Variants in ERC2 observed in about 807,000 individuals in gnomAD.
ERC2 encodes the protein ERC protein 2.
A neutral mutation model predicts 114.8 loss-of-function variants in ERC2; 42 were observed. That is an observed-to-expected ratio of 0.37 (90% confidence interval 0.29 to 0.47). The LOEUF is 0.47. Among genes scored for constraint, ERC2 ranks in the 20% least tolerant of loss-of-function variants. ERC2 has a pLI of 0.99. For missense variants in ERC2, 939 were observed against 1,150.7 expected (o/e 0.82, Z 2.66); for synonymous variants, 454 against 425.5 (o/e 1.07, Z -0.82).
intron 3 of ERC2, among the ~76,000 whole-genome samples, chr3:56,250,564 A>G (rs1343959865): frequency 6.6e-6 from 1 of 152,214 alleles, no homozygotes; most frequent in African/African-American, 2.4e-5. Context: ...CAGAAGAGCA[A>G]GCTGAGGCGC....
intron 17 of ERC2, among the ~76,000 whole-genome samples, chr3:55,648,037 A>C (rs2060467912): frequency 1.3e-5 from 2 of 152,198 alleles, no homozygotes; most frequent in Admixed American, 1.3e-4. Flanking sequence ...GGAATACAGC[A>C]AGACGATGGG....
intron 17 of ERC2, among the ~76,000 whole-genome samples, chr3:55,560,896 C>T (rs940627187): frequency 2.0e-5 from 3 of 152,176 alleles, no homozygotes; most frequent in African/African-American, 7.2e-5. Context: ...TATTAGGTCA[C>T]TGTCTTGGCA....
At chr3:56,029,502 T>C (rs1396829101) in intron 7 of ERC2, among the ~76,000 whole-genome samples, 1 of 152,120 alleles carries the variant, frequency 6.6e-6, no homozygotes, top group African/African-American at 2.4e-5. Flanking sequence ...CTTCAATGTA[T>C]TTCATGGTTT....
chr3:56,375,113 C>A (rs73073991), intron 2 of ERC2, among the ~76,000 whole-genome samples: 225 of 152,206 alleles, frequency 1.5e-3, no homozygotes, highest in African/African-American at 5.2e-3. Flanking sequence ...ATTTGTCCAC[C>A]ACAAGGGAGA....
At chr3:55,673,147 A>G (rs2061633491) in intron 17 of ERC2, among the ~76,000 whole-genome samples, 2 of 152,164 alleles carry the variant, frequency 1.3e-5, no homozygotes, top group African/African-American at 4.8e-5. Context: ...GGGAAGGACA[A>G]TTCTTTGCAG....
At chr3:55,875,413 G>A (rs186911352) in intron 14 of ERC2, among the ~76,000 whole-genome samples, 155 of 152,308 alleles carry the variant, frequency 1.0e-3, no homozygotes, top group Middle Eastern at 3.4e-3. Flanking sequence ...GACTCTCAGA[G>A]TTGGCCTCAG....
At position 56,316,352 on chromosome 3, in the gene ERC2, G is replaced by A. The variant is rs1204539811; in HGVS notation, c.658-19917C>T. On this transcript the variant is annotated intron_variant, in intron 2 of 17. Coordinates refer to ENST00000288221, the MANE Select transcript of ERC2 (RefSeq NM_015576.3). ...TGAGTTTACAGTTTATAGTATCTGC[G>A]AAGCAACTCTTCACTCATTCCTTTA... Among the ~76,000 whole-genome samples, 4 of 152,306 alleles carry A rather than the reference G, an allele frequency of 2.6e-5. 1 individual carries two copies. The highest frequency in any genetic ancestry group is 4.1e-4 in the South Asian group (2 of 4,826).
At chr3:56,052,177 T>G (rs1283096054) in intron 7 of ERC2, among the ~76,000 whole-genome samples, 3 of 152,192 alleles carry the variant, frequency 2.0e-5, no homozygotes, top group African/African-American at 7.2e-5. Flanking sequence ...AAGGATGCCC[T>G]ATGGGTAGCT....
intron 3 of ERC2, among the ~76,000 whole-genome samples, chr3:56,242,018 G>A (rs12629146): frequency 0.29 from 43,411 of 151,986 alleles, 7,457 homozygotes; most frequent in East Asian, 0.64. Context: ...TCATCTGGCC[G>A]TTTAAGAAAA....
chr3:56,399,443 A>G (rs1313378244), intron 2 of ERC2, among the ~76,000 whole-genome samples: 1 of 152,194 alleles, frequency 6.6e-6, no homozygotes, highest in Admixed American at 6.5e-5. Flanking sequence ...CAATGTCGGC[A>G]TGGGGAACCA....
rs983415636 is a variant in ERC2 at position 55,964,194 on chromosome 3, T to A, written c.2268-13634A>T. 3.9e-5 allele frequency among the ~76,000 whole-genome samples: 6 copies of A among 152,158 alleles called. 1 individual carries two copies. In the South Asian group the frequency reaches 1.2e-3, roughly 32 times the overall value. On this transcript the variant is annotated intron_variant, in intron 12 of 17. Transcript: ENST00000288221. ...ATAATCTCAGTTAAATGAAACAACA[T>A]CCTTACATGGAGGGCACTTCATCCC...
intron 14 of ERC2, among the ~76,000 whole-genome samples, chr3:55,771,553 A>T (rs1159143900): frequency 1.3e-5 from 2 of 152,188 alleles, no homozygotes; most frequent in African/African-American, 4.8e-5. Context: ...CTCTCTTGTG[A>T]CTTGTTCGTG....
intron 13 of ERC2, among the ~76,000 whole-genome samples, chr3:55,924,226 G>C (rs2065616457): frequency 1.3e-5 from 2 of 152,130 alleles, no homozygotes; most frequent in Non-Finnish European, 2.9e-5. Flanking sequence ...GTCTTCTAGA[G>C]CAGGGGTTGG....
chr3:55,950,316 A>G, intron 13 of ERC2, 109 bp downstream of exon 13: 1 of 1,402,118 alleles, frequency 7.1e-7, no homozygotes, highest in Non-Finnish European at 9.7e-7. Context: ...GACTCAGGGC[A>G]AAGGCAAAGT....
At chr3:55,684,234 GAAGT>G (rs1559496652) in intron 16 of ERC2, among the ~76,000 whole-genome samples, 2 of 152,106 alleles carry the variant, frequency 1.3e-5, no homozygotes, top group African/African-American at 4.8e-5. Flanking sequence ...AGTAAGCAGA[GAAGT>G]AATTATAGTA....
At chr3:56,360,737 A>T (rs2058926275) in intron 2 of ERC2, among the ~76,000 whole-genome samples, 1 of 152,028 alleles carries the variant, frequency 6.6e-6, no homozygotes, top group Non-Finnish European at 1.5e-5. Context: ...GTGAAACCCC[A>T]TATGTACTAA....
At chr3:56,048,013 T>C (rs2075563510) in intron 7 of ERC2, among the ~76,000 whole-genome samples, 3 of 152,192 alleles carry the variant, frequency 2.0e-5, no homozygotes, top group Admixed American at 6.5e-5. Flanking sequence ...TGAATCCCTA[T>C]GTAGTACCCC....
rs369442264 is a variant in ERC2 at position 55,775,822 on chromosome 3, C to G, written c.2565-40904G>C. 1.3e-4 allele frequency among the ~76,000 whole-genome samples: 20 copies of G among 152,260 alleles called. 1 individual carries two copies. In the South Asian group the frequency reaches 3.9e-3, roughly 30 times the overall value. On this transcript the variant is annotated intron_variant, in intron 14 of 17. Coordinates refer to ENST00000288221, the MANE Select transcript of ERC2 (RefSeq NM_015576.3). Reference sequence around the variant, plus strand: ...ATGAATCCAAACCAACTTTTCCCTGCGAACTTCTGCCAGTTTTGAGATAAT... The same window carrying G: ...ATGAATCCAAACCAACTTTTCCCTGGGAACTTCTGCCAGTTTTGAGATAAT...
At chr3:55,615,055 T>A (rs1296537633) in intron 17 of ERC2, among the ~76,000 whole-genome samples, 2 of 152,260 alleles carry the variant, frequency 1.3e-5, no homozygotes, top group Admixed American at 6.5e-5. Context: ...CCTACTATGT[T>A]CACAGTTATC....
Sources: gnomAD v4.1 joint callset for allele counts (sites outside exome capture counted in the v4.1 genomes callset) on GRCh38, gnomAD v4.1.1 for gene constraint, MANE v1.5 for transcripts, NCBI Gene and HGNC (gene_info 2026-07-23, HGNC 2026-07-21) for gene names.